Variants in SYT1 observed in about 807,000 individuals in gnomAD.
SYT1 encodes synaptotagmin-1.
Under a neutral mutation model 44.8 loss-of-function variants are expected in SYT1, and 8 were observed. That is an observed-to-expected ratio of 0.18 (90% confidence interval 0.10 to 0.32). SYT1 has a LOEUF of 0.32. Among genes scored for constraint, SYT1 ranks in the 10% least tolerant of loss-of-function variants. The pLI is 1.00. For missense variants in SYT1, 286 were observed against 509.3 expected, an observed-to-expected ratio of 0.56 and a Z score of 4.22; for synonymous variants, 154 against 188.8, an observed-to-expected ratio of 0.82 and a Z score of 1.51.
At chr12:79,269,456 C>T (rs776806937) in intron 4 of SYT1, among the ~76,000 whole-genome samples, 6 of 152,110 alleles carry the variant, frequency 3.9e-5, no homozygotes, top group African/African-American at 1.4e-4. Context: ...TCTCACTCCA[C>T]CTCTGCATAA....
intron 9 of SYT1, among the ~76,000 whole-genome samples, chr12:79,363,934 T>C (rs1406698884): frequency 6.6e-6 from 1 of 152,160 alleles, no homozygotes; most frequent in African/African-American, 2.4e-5. Flanking sequence ...ATGTCTGTGT[T>C]CTCAGAGCCC....
chr12:79,051,788 C>A (rs1874513340), intron 3 of SYT1, among the ~76,000 whole-genome samples: 1 of 151,890 alleles, frequency 6.6e-6, no homozygotes, highest in African/African-American at 2.4e-5. Flanking sequence ...ATATATTATC[C>A]TTTCCCCATT....
chr12:79,112,253 G>A (rs1192968748), intron 3 of SYT1, among the ~76,000 whole-genome samples: 2 of 152,016 alleles, frequency 1.3e-5, no homozygotes, highest in Non-Finnish European at 2.9e-5. Flanking sequence ...TGAAGAACTG[G>A]TTTACTTTTA....
chr12:79,148,169 A>C (rs1386641212), intron 3 of SYT1, among the ~76,000 whole-genome samples: 1 of 152,188 alleles, frequency 6.6e-6, no homozygotes, highest in Non-Finnish European at 1.5e-5. Context: ...AAACATTAGG[A>C]GAAAAGAAAA....
chr12:79,179,651 C>T (rs1474087194), intron 3 of SYT1, among the ~76,000 whole-genome samples: 6 of 151,406 alleles, frequency 4.0e-5, no homozygotes, highest in Admixed American at 6.6e-5. Context: ...AACTCCCGAC[C>T]TCAGGTGATC....
intron 5 of SYT1, among the ~76,000 whole-genome samples, chr12:79,288,492 T>A (rs1879420019): frequency 6.6e-6 from 1 of 152,266 alleles, no homozygotes; most frequent in South Asian, 2.1e-4. Flanking sequence ...TTTTTACCAT[T>A]TTAATTCATA....
At chr12:79,330,200 G>A (rs1412659020) in intron 8 of SYT1, among the ~76,000 whole-genome samples, 3 of 152,272 alleles carry the variant, frequency 2.0e-5, no homozygotes, top group Middle Eastern at 3.4e-3. Context: ...ACCTTGAGAC[G>A]GTCATTCAGG....
chr12:79,404,384 A>T (rs1885172372), intron 9 of SYT1, among the ~76,000 whole-genome samples: 1 of 152,178 alleles, frequency 6.6e-6, no homozygotes, highest in Non-Finnish European at 1.5e-5. Flanking sequence ...AACACCTTCC[A>T]CACCCTCACA....
chr12:79,054,984 C>CA lies in SYT1; in HGVS notation c.-18+7625dup, dbSNP rs1313942153. ...TTTACAGTATTTTTTGATACACTAA[C>CA]AAAGGAGTCTTTTATAATCTTATTA... On this transcript the variant is annotated intron_variant, in intron 3 of 10. Coordinates refer to ENST00000261205, the MANE Select transcript of SYT1 (RefSeq NM_005639.3). Among the ~76,000 whole-genome samples the CA allele has an allele frequency of 3.9e-5, 6 of 151,966 alleles. No individual in the cohort carries two copies. The East Asian group carries it at 1.2e-3, about 29-fold the overall frequency.
chr12:79,243,941 T>C (rs1876669724), intron 4 of SYT1, among the ~76,000 whole-genome samples: 1 of 152,042 alleles, frequency 6.6e-6, no homozygotes, highest in Non-Finnish European at 1.5e-5. Flanking sequence ...GGCTAAATTA[T>C]ACCTAATAAA....
At chr12:79,439,440 G>A (rs538775699) in intron 9 of SYT1, among the ~76,000 whole-genome samples, 3 of 152,160 alleles carry the variant, frequency 2.0e-5, no homozygotes, top group South Asian at 4.2e-4. Flanking sequence ...TGTTTAGAGC[G>A]GGTATGCTTC....
At chr12:79,140,470 G>A (rs1869487660) in intron 3 of SYT1, among the ~76,000 whole-genome samples, 1 of 152,142 alleles carries the variant, frequency 6.6e-6, no homozygotes, top group African/African-American at 2.4e-5. Context: ...TCACTTCTCT[G>A]AAATATATTG....
At chr12:79,289,890 G>GTT (rs5799424) in intron 5 of SYT1, among the ~76,000 whole-genome samples, 1,524 of 135,192 alleles carry the variant, frequency 0.011, 19 homozygotes, top group Middle Eastern at 0.05. Flanking sequence ...AAACTCAGTA[G>GTT]TTTTTTTTTT....
chr12:79,047,969 A>G (rs2137771673), intron 3 of SYT1, among the ~76,000 whole-genome samples: 1 of 152,002 alleles, frequency 6.6e-6, no homozygotes, highest in Admixed American at 6.6e-5. Flanking sequence ...GTTGATGTCA[A>G]TCTTTATGGT....
intron 1 of SYT1, among the ~76,000 whole-genome samples, chr12:78,946,486 C>A (rs1477885861): frequency 2.6e-5 from 4 of 152,104 alleles, no homozygotes; most frequent in Non-Finnish European, 4.4e-5. Context: ...AAAACTGCAT[C>A]TTTACTAAAA....
intron 9 of SYT1, among the ~76,000 whole-genome samples, chr12:79,439,439 C>T (rs1207793510): frequency 1.3e-5 from 2 of 152,070 alleles, no homozygotes; most frequent in Non-Finnish European, 2.9e-5. Flanking sequence ...TTGTTTAGAG[C>T]GGGTATGCTT....
rs1251426906 is a variant in SYT1 at position 79,349,049 on chromosome 12, G to GAGAAAGAA, written c.811-4452_811-4451insGAAAGAAA. ...AAAGAAAGAAAAAGAAAGAAAGAAAGAAAGAAAGGAGGGAGGGAGGGAGGG... is the reference window on the plus strand; with the variant it reads ...AAAGAAAGAAAAAGAAAGAAAGAAAGAGAAAGAAAAAGAAAGGAGGGAGGGAGGGAGGG... On this transcript the variant is annotated intron_variant, in intron 8 of 10. Coordinates refer to ENST00000261205, the MANE Select transcript of SYT1 (RefSeq NM_005639.3). 3.3e-4 allele frequency among the ~76,000 whole-genome samples: 41 copies of GAGAAAGAA among 123,860 alleles called. 1 individual carries two copies. The highest frequency in any genetic ancestry group is 1.2e-3 in the African/African-American group (39 of 33,540). The allele number at this position is 123,860 out of a possible 152,430, so 81.3% of individuals were successfully genotyped here.
chr12:79,405,541 G>C (rs543307894), intron 9 of SYT1, among the ~76,000 whole-genome samples: 1 of 151,994 alleles, frequency 6.6e-6, no homozygotes, highest in African/African-American at 2.4e-5. Flanking sequence ...ACAAATAAAC[G>C]TCTGACCACA....
intron 9 of SYT1, among the ~76,000 whole-genome samples, chr12:79,414,596 A>G (rs1397279678): frequency 6.6e-6 from 1 of 152,186 alleles, no homozygotes; most frequent in African/African-American, 2.4e-5. Flanking sequence ...CCTTATCAGT[A>G]GATCTACAGG....
Sources: gnomAD v4.1 joint callset for allele counts (sites outside exome capture counted in the v4.1 genomes callset) on GRCh38, gnomAD v4.1.1 for gene constraint, MANE v1.5 for transcripts, NCBI Gene and HGNC (gene_info 2026-07-23, HGNC 2026-07-21) for gene names.